The following THSD4 variants were observed in gnomAD, a reference collection of about 807,000 sequenced individuals.
THSD4 encodes thrombospondin type 1 domain containing 4, also known as thrombospondin type-1 domain-containing protein 4.
THSD4 carries 69 observed loss-of-function variants against 119.0 expected under a neutral mutation model. The observed-to-expected ratio is 0.58, with a 90% CI of 0.48 to 0.71. The LOEUF is 0.71. THSD4 is among the 30% of genes least tolerant of loss of function. The pLI, the probability that THSD4 is intolerant of heterozygous loss-of-function variation, is 0.00. For missense variants in THSD4, 1,393 were observed against 1,391.1 expected (o/e 1.00, Z -0.02); for synonymous variants, 524 against 540.4 (o/e 0.97, Z 0.42).
chr15:71,344,038 CTTTTT>C (rs34729777), intron 6 of THSD4, among the ~76,000 whole-genome samples: 3 of 120,520 alleles, frequency 2.5e-5, no homozygotes, highest in African/African-American at 3.1e-5. Flanking sequence ...AGCCAGGATT[CTTTTT>C]TTTTTTTTTT....
chr15:71,771,800 T>A (rs966685289), intron 17 of THSD4, among the ~76,000 whole-genome samples: 19 of 152,208 alleles, frequency 1.2e-4, no homozygotes, highest in African/African-American at 4.6e-4. Flanking sequence ...CCTGCACCCT[T>A]GAAATAGGGG....
At chr15:71,182,455 C>G (rs1263600925) in intron 3 of THSD4, among the ~76,000 whole-genome samples, 1 of 151,844 alleles carries the variant, frequency 6.6e-6, no homozygotes, top group African/African-American at 2.4e-5. Flanking sequence ...GACTTTAGGA[C>G]TATAAATGGT....
intron 17 of THSD4, among the ~76,000 whole-genome samples, chr15:71,772,337 A>C (rs987120095): frequency 4.6e-5 from 7 of 152,188 alleles, no homozygotes; most frequent in Admixed American, 1.3e-4. Flanking sequence ...CCCATGACTA[A>C]AGTTATGGGG....
chr15:71,359,746 G>A (rs1415128530), intron 6 of THSD4, among the ~76,000 whole-genome samples: 13 of 152,146 alleles, frequency 8.5e-5, no homozygotes, highest in Admixed American at 7.9e-4. Context: ...GGAGGGAGAG[G>A]TTGCAGTGAG....
chr15:71,346,868 C>CTTTTTTTTTTT (rs71154763), intron 6 of THSD4, among the ~76,000 whole-genome samples: 123 of 85,972 alleles, frequency 1.4e-3, no homozygotes, highest in East Asian at 1.8e-3. Context: ...TTTTCATTTT[C>CTTTTTTTTTTT]TTTTTTTTTT....
intron 8 of THSD4, among the ~76,000 whole-genome samples, chr15:71,714,602 T>C (rs2052571647): frequency 6.8e-6 from 1 of 146,956 alleles, no homozygotes; most frequent in African/African-American, 2.5e-5. Flanking sequence ...TCCCAATACT[T>C]TGGGAGGCCG....
At chr15:71,197,385 C>T (rs2043729424) in intron 3 of THSD4, among the ~76,000 whole-genome samples, 1 of 152,228 alleles carries the variant, frequency 6.6e-6, no homozygotes, top group African/African-American at 2.4e-5. Flanking sequence ...TTCAGTCCAT[C>T]ACCCTTGATT....
chr15:71,479,262 C>G (rs1297777526), intron 7 of THSD4, among the ~76,000 whole-genome samples: 1 of 145,390 alleles, frequency 6.9e-6, no homozygotes, highest in African/African-American at 2.6e-5. Flanking sequence ...ATATTTTGCA[C>G]CGATTCCCAT....
intron 3 of THSD4, among the ~76,000 whole-genome samples, chr15:71,160,660 TA>T (rs1359940090): frequency 2.6e-5 from 4 of 152,024 alleles, no homozygotes; most frequent in Non-Finnish European, 5.9e-5. Flanking sequence ...TCCTTTTTCA[TA>T]CCTGATTTTA....
chr15:71,648,604 G>A (rs1481192280), intron 7 of THSD4, among the ~76,000 whole-genome samples: 1 of 152,116 alleles, frequency 6.6e-6, no homozygotes, highest in Non-Finnish European at 1.5e-5. Context: ...CATTGTCCCA[G>A]AGCATTATTG....
intron 8 of THSD4, among the ~76,000 whole-genome samples, chr15:71,697,212 G>T (rs1378284569): frequency 6.6e-6 from 1 of 152,192 alleles, no homozygotes; most frequent in Admixed American, 6.5e-5. Context: ...AAATCAGAGA[G>T]CTTAGAAAGA....
intron 7 of THSD4, among the ~76,000 whole-genome samples, chr15:71,597,382 C>T (rs983000412): frequency 3.9e-5 from 6 of 152,172 alleles, no homozygotes; most frequent in Non-Finnish European, 8.8e-5. Context: ...TGCACACACA[C>T]ACACCCACAG....
intron 8 of THSD4, among the ~76,000 whole-genome samples, chr15:71,695,068 T>C (rs530014716): frequency 6.6e-6 from 1 of 152,322 alleles, no homozygotes; most frequent in South Asian, 2.1e-4. Context: ...TCCCACGGAA[T>C]ACGCATATAG....
chr15:71,730,298 G>A (rs573732573), intron 9 of THSD4: 3 of 152,218 alleles, frequency 2.0e-5, no homozygotes, highest in African/African-American at 7.2e-5. Flanking sequence ...CTCCTTGCAC[G>A]GCTCATATTT....
At chr15:71,143,696 C>CTTTTTTTTTTTTTTTT (rs1567137089) in intron 2 of THSD4, among the ~76,000 whole-genome samples, 1 of 98,464 alleles carries the variant, frequency 1.0e-5, no homozygotes, top group African/African-American at 5.1e-5. Flanking sequence ...TTTTTTTTTT[C>CTTTTTTTTTTTTTTTT]TTTCTTTTTT....
At chr15:71,364,373 G>A (rs2045929894) in intron 6 of THSD4, among the ~76,000 whole-genome samples, 1 of 152,224 alleles carries the variant, frequency 6.6e-6, no homozygotes, top group African/African-American at 2.4e-5. Context: ...TCATTACTTA[G>A]CACTTTGCCT....
rs550656828 is a variant in THSD4 at position 71,277,117 on chromosome 15, T to A, written c.1015+20402T>A. Among the ~76,000 whole-genome samples, 14 of 130,316 alleles carry A rather than the reference T, an allele frequency of 1.1e-4. No individual in the cohort carries two copies. The East Asian group carries it at 2.7e-3, about 25-fold the overall frequency. 85.5% of individuals were successfully genotyped at this position (130,316 alleles called of 152,430 possible). On this transcript the variant is annotated intron_variant, in intron 6 of 17. Coordinates refer to ENST00000261862, the MANE Select transcript of THSD4 (RefSeq NM_024817.3). The stretch of plus-strand genomic sequence containing the variant: ...GTACTGGCAACTATTTGTATTTGAA[T>A]TCTTCTTCTTCTTTTTTTTTTTTTT...
intron 7 of THSD4, among the ~76,000 whole-genome samples, chr15:71,501,595 G>A (rs1386901711): frequency 6.6e-6 from 1 of 152,210 alleles, no homozygotes; most frequent in Admixed American, 6.5e-5. Context: ...TAGCAAGGCT[G>A]AGTTGATGGA....
At chr15:71,748,942 T>C (rs1472587) in intron 14 of THSD4, among the ~76,000 whole-genome samples, 136,811 of 152,278 alleles carry the variant, frequency 0.9, 61,557 homozygotes, top group East Asian at 0.92. Flanking sequence ...CTACTGCTTT[T>C]TGCCAACTCA....
Sources: allele counts gnomAD v4.1 joint callset (sites outside exome capture counted in the v4.1 genomes callset), GRCh38; gene constraint gnomAD v4.1.1; transcripts MANE v1.5; gene names NCBI Gene and HGNC (gene_info 2026-07-23, HGNC 2026-07-21).